The following GAS7 variants were observed in gnomAD, a reference collection of about 807,000 sequenced individuals.
The protein encoded by GAS7 is growth arrest specific 7.
Under a neutral mutation model 71.1 loss-of-function variants are expected in GAS7, and 28 were observed. The observed-to-expected ratio is 0.39, with a 90% CI of 0.29 to 0.54. The LOEUF (loss-of-function observed/expected upper bound fraction) is 0.54. GAS7 is among the 20% of genes least tolerant of loss of function. GAS7 has a pLI of 0.62. For missense variants in GAS7, 436 were observed against 627.8 expected (o/e 0.69, Z 3.27); for synonymous variants, 258 against 245.8 (o/e 1.05, Z -0.46).
In GAS7 at chr17:9,934,224, G is replaced by C. The variant is rs780669731; in HGVS notation, c.827C>G (p.Ala276Gly). Residue 276 changes from alanine to glycine, a missense_variant, in exon 9 of 14, where the codon GCC becomes GGC. Transcript: ENST00000432992. ...GTCCGCCAGGCTCTTCTTCACCTGG[G>C]CCCACGCCTCTCCCAAGGAGCTGCA... ...QEEGSLGEAWAQVKKSLADEA... is the reference protein window; with the variant it reads ...QEEGSLGEAWGQVKKSLADEA... 1 of 1,611,478 alleles carries C rather than the reference G, an allele frequency of 6.2e-7. No individual in the cohort carries two copies. The highest frequency in any genetic ancestry group is 8.5e-7 in the Non-Finnish European group (1 of 1,178,100).
At chr17:10,175,604 G>A (rs145002296) in intron 1 of GAS7, among the ~76,000 whole-genome samples, 3 of 87,342 alleles carry the variant, frequency 3.4e-5, no homozygotes, top group Non-Finnish European at 7.7e-5. Flanking sequence ...TATTTAGTTA[G>A]TTAGTTAGTT....
chr17:10,038,785 C>T (rs1453487306), intron 1 of GAS7, among the ~76,000 whole-genome samples: 2 of 151,174 alleles, frequency 1.3e-5, no homozygotes, highest in African/African-American at 2.4e-5. Context: ...CTGCAAGCTC[C>T]GCCTCCTGGG....
intron 1 of GAS7, among the ~76,000 whole-genome samples, chr17:10,107,713 G>T (rs2073772115): frequency 6.6e-6 from 1 of 151,860 alleles, no homozygotes. Flanking sequence ...GTGGTGGCAG[G>T]CTGAGCAGGG....
rs376272252 is a variant in GAS7 at position 10,198,343 on chromosome 17, C to T, written c.48G>A (p.Arg16=). The part of the protein sequence containing the change: ...CRTLYPFSGE[R]HGQGLRFAAG... ...CGGCGAAGCGCAGCCCCTGGCCGTGCCGCTCCCCGGAGAAGGGGTACAGGG... is the reference window on the plus strand; with the variant it reads ...CGGCGAAGCGCAGCCCCTGGCCGTGTCGCTCCCCGGAGAAGGGGTACAGGG... The change falls in exon 1 of 14, where the codon CGG becomes CGA. Residue 16 remains arginine, a synonymous_variant. Transcript: ENST00000432992. 1.2e-4 allele frequency: 195 copies of T among 1,598,996 alleles called. No individual in the cohort carries two copies. In the African/African-American group the frequency reaches 2.0e-3, roughly 16 times the overall value.
At position 10,009,246 on chromosome 17, in the gene GAS7, G is replaced by A. The variant is rs949885064; in HGVS notation, c.304+10531C>T. On this transcript the variant is annotated intron_variant, in intron 2 of 13. Coordinates refer to ENST00000432992, the MANE Select transcript of GAS7 (RefSeq NM_201433.2). ...TGAGGCAGGAGAATGGCGTGAACCCGGGAGGCGGAGCTTGCAGTGAGCCGA... is the reference window on the plus strand; with the variant it reads ...TGAGGCAGGAGAATGGCGTGAACCCAGGAGGCGGAGCTTGCAGTGAGCCGA... Among the ~76,000 whole-genome samples, 390 of 149,112 alleles carry A rather than the reference G, an allele frequency of 2.6e-3. 3 individuals carry two copies. Among genetic ancestry groups the A allele is most frequent in the African/African-American group, 9.3e-3 (375 of 40,200 alleles).
intron 1 of GAS7, among the ~76,000 whole-genome samples, chr17:10,115,409 G>A (rs1272354363): frequency 6.6e-6 from 1 of 152,204 alleles, no homozygotes; most frequent in Non-Finnish European, 1.5e-5. Context: ...GGGGGGCAAA[G>A]TGTCACCTCC....
intron 1 of GAS7, among the ~76,000 whole-genome samples, chr17:10,056,761 C>T (rs1416262216): frequency 3.3e-5 from 5 of 151,942 alleles, no homozygotes; most frequent in East Asian, 3.9e-4. Flanking sequence ...CCCACGATCT[C>T]CCTCCCCACG....
chr17:10,144,779 C>A (rs534096292), intron 1 of GAS7, among the ~76,000 whole-genome samples: 1 of 152,266 alleles, frequency 6.6e-6, no homozygotes, highest in South Asian at 2.1e-4. Context: ...AACTCCTGGG[C>A]TCAAGCAATC....
At chr17:9,953,636 T>C (rs965009576) in intron 5 of GAS7, among the ~76,000 whole-genome samples, 1 of 152,270 alleles carries the variant, frequency 6.6e-6, no homozygotes, top group African/African-American at 2.4e-5. Flanking sequence ...CACGAAGCTA[T>C]GTGATGGGCT....
At position 10,189,424 on chromosome 17, in the gene GAS7, C is replaced by T. The variant is rs114440044; in HGVS notation, c.183+8784G>A. ...CCAGAACGCATCCGAAGATGCCACC[C>T]ACTTCAATCAAACCAAAGGCTTTTC... On this transcript the variant is annotated intron_variant, in intron 1 of 13. Transcript: ENST00000432992. Among the ~76,000 whole-genome samples, 625 of 152,276 alleles carry T rather than the reference C, an allele frequency of 4.1e-3. 7 individuals carry two copies. The highest frequency in any genetic ancestry group is 0.014 in the African/African-American group (595 of 41,540).
intron 1 of GAS7, among the ~76,000 whole-genome samples, chr17:10,175,141 C>T (rs79056328): frequency 0.01 from 1,521 of 151,912 alleles, 26 homozygotes; most frequent in African/African-American, 0.033. Context: ...CCACCACGCG[C>T]GGCCTGGAGT....
At chr17:10,113,393 C>T (rs1177197675) in intron 1 of GAS7, among the ~76,000 whole-genome samples, 3 of 152,194 alleles carry the variant, frequency 2.0e-5, no homozygotes, top group Non-Finnish European at 4.4e-5. Flanking sequence ...AGGCTATCCA[C>T]AGCAGCAACA....
At chr17:9,921,561 CAG>C (rs923024109) in intron 11 of GAS7, among the ~76,000 whole-genome samples, 3 of 152,172 alleles carry the variant, frequency 2.0e-5, no homozygotes, top group African/African-American at 7.2e-5. Context: ...CATTGGGAAA[CAG>C]AGTAGGTGAA....
At chr17:10,163,420 T>A (rs2074270934) in intron 1 of GAS7, among the ~76,000 whole-genome samples, 1 of 149,416 alleles carries the variant, frequency 6.7e-6, no homozygotes, top group African/African-American at 2.5e-5. Context: ...GCCACCAGGC[T>A]GGGCCAAAAA....
intron 1 of GAS7, among the ~76,000 whole-genome samples, chr17:10,162,823 A>T (rs1390806603): frequency 1.3e-5 from 2 of 152,166 alleles, no homozygotes; most frequent in African/African-American, 4.8e-5. Context: ...AGGACAATGG[A>T]GTTACCAGGG....
rs147318843 is a variant in GAS7 at position 10,105,423 on chromosome 17, G to A, written c.184-85526C>T. On this transcript the variant is annotated intron_variant, in intron 1 of 13. Coordinates refer to ENST00000432992, the MANE Select transcript of GAS7 (RefSeq NM_201433.2). ...ACTAGCCATTTTGCAAGTGCTCAGC[G>A]GTCCCATGTGACTAGTGGCTACCAT... Among the ~76,000 whole-genome samples the A allele has an allele frequency of 1.6e-4, 25 of 152,218 alleles. No homozygotes were observed. The East Asian group carries it at 4.1e-3, about 25-fold the overall frequency.
At chr17:10,129,688 T>C (rs114327917) in intron 1 of GAS7, among the ~76,000 whole-genome samples, 2,570 of 152,336 alleles carry the variant, frequency 0.017, 35 homozygotes, top group Middle Eastern at 0.044. Context: ...AACTTTTGTG[T>C]TCCAAAGGAC....
intron 1 of GAS7, among the ~76,000 whole-genome samples, chr17:10,155,317 C>T (rs963517939): frequency 7.8e-6 from 1 of 128,684 alleles, no homozygotes; most frequent in Non-Finnish European, 1.7e-5. Context: ...TGCCCGGCCA[C>T]CAATAACTCT....
intron 1 of GAS7, among the ~76,000 whole-genome samples, chr17:10,066,938 T>C (rs2073287595): frequency 6.6e-6 from 1 of 152,140 alleles, no homozygotes; most frequent in Non-Finnish European, 1.5e-5. Flanking sequence ...CAATCTCAAG[T>C]CAGCAATTCC....
Sources: allele counts gnomAD v4.1 joint callset (sites outside exome capture counted in the v4.1 genomes callset), GRCh38; gene constraint gnomAD v4.1.1; transcripts MANE v1.5; gene names NCBI Gene and HGNC (gene_info 2026-07-23, HGNC 2026-07-21).